Variants in CLEC1A observed in about 807,000 individuals in gnomAD.
CLEC1A encodes C-type lectin domain family 1 member A, also known as C-type lectin-like receptor-1.
A neutral mutation model predicts 28.7 loss-of-function variants in CLEC1A; 34 were observed. The ratio of observed to expected loss-of-function variants is 1.18; its 90% CI spans 0.90 to 1.57. The LOEUF (loss-of-function observed/expected upper bound fraction) is 1.57. CLEC1A is among the 40% of genes most tolerant of loss of function. The pLI, the probability that CLEC1A is intolerant of heterozygous loss-of-function variation, is 0.00. For missense variants in CLEC1A, 385 were observed against 339.5 expected (o/e 1.13, Z -1.05); for synonymous variants, 116 against 121.0 (o/e 0.96, Z 0.27).
chr12:10,072,340 A>C (rs1015877309), intron 5 of CLEC1A, among the ~76,000 whole-genome samples: 1 of 152,192 alleles, frequency 6.6e-6, no homozygotes, highest in Non-Finnish European at 1.5e-5. Flanking sequence ...TTTATAAGCT[A>C]TCCAACCTCA....
At chr12:10,080,938 C>T (rs1045221318) in intron 3 of CLEC1A, among the ~76,000 whole-genome samples, 8 of 152,072 alleles carry the variant, frequency 5.3e-5, no homozygotes, top group African/African-American at 1.9e-4. Flanking sequence ...GAACATTTGC[C>T]GAGGTAAATT....
At chr12:10,081,093 A>C (rs1866358096) in intron 3 of CLEC1A, 144 bp downstream of exon 3, 3 of 623,924 alleles carry the variant, frequency 4.8e-6, no homozygotes, top group Non-Finnish European at 8.2e-6. Flanking sequence ...GATCCCAACA[A>C]CTGATCATGA....
chr12:10,076,413 T>C (rs1235319453), intron 3 of CLEC1A, among the ~76,000 whole-genome samples: 1 of 152,150 alleles, frequency 6.6e-6, no homozygotes, highest in Non-Finnish European at 1.5e-5. Context: ...AATACACAGG[T>C]AGGTGTTATA....
intron 1 of CLEC1A, among the ~76,000 whole-genome samples, chr12:10,090,823 T>TAAA (rs11393834): frequency 6.6e-6 from 1 of 151,794 alleles, no homozygotes; most frequent in African/African-American, 2.4e-5. Flanking sequence ...CTCCTTTTTT[T>TAAA]AAAAAAAATG....
rs1055894880 is a variant in CLEC1A, at chr12:10,075,385, A to T, written c.543+119T>A. ...CAATAGGAATAAGACTCAGGCCCTGATCGAAACAGGTTCGAAAACCTGTGG... is the reference window on the plus strand; with the variant it reads ...CAATAGGAATAAGACTCAGGCCCTGTTCGAAACAGGTTCGAAAACCTGTGG... On this transcript the variant is annotated intron_variant, in intron 4 of 5. Coordinates refer to ENST00000315330, the MANE Select transcript of CLEC1A (RefSeq NM_016511.4). 10 of 1,029,190 alleles carry T rather than the reference A, an allele frequency of 9.7e-6. No homozygotes were observed. The Admixed American group carries it at 2.3e-4, about 24-fold the overall frequency. 63.8% of individuals were successfully genotyped at this position (1,029,190 alleles called of 1,614,324 possible). A position where few individuals can be genotyped will look rare whatever the true frequency, so the allele number is the denominator to read the frequency against.
chr12:10,083,006 G>A (rs1866402760), intron 2 of CLEC1A, among the ~76,000 whole-genome samples: 2 of 152,372 alleles, frequency 1.3e-5, no homozygotes, highest in African/African-American at 4.8e-5. Context: ...GGTATCCACA[G>A]ATGGGAGACC....
intron 2 of CLEC1A, among the ~76,000 whole-genome samples, chr12:10,085,160 C>T (rs1357262842): frequency 6.7e-6 from 1 of 148,728 alleles, no homozygotes; most frequent in Non-Finnish European, 1.5e-5. Context: ...ATAGAATCTC[C>T]TGAAAGCATA....
rs764514003 is a variant in CLEC1A at position 10,075,648 on chromosome 12, C to A, written c.399G>T (p.Arg133Ser). 1.2e-6 allele frequency: 2 copies of A among 1,612,196 alleles called. No homozygotes were observed. Among genetic ancestry groups the A allele is most frequent in the African/African-American group, 1.3e-5 (1 of 74,826 alleles). The stretch of plus-strand genomic sequence containing the variant: ...TCCATTGTTCTGTACAAGGGCTGCA[C>A]CTGTGTGCTTGGAAAAAAGCCAATT... Reference protein sequence around the residue: ...RELYNKAGAHRCSPCTEQWKW... With the variant: ...RELYNKAGAHSCSPCTEQWKW... Residue 133 changes from arginine (R) to serine (S), a missense_variant, in exon 4 of 6, where the codon AGG becomes AGT. Transcript: ENST00000315330.
intron 1 of CLEC1A, among the ~76,000 whole-genome samples, chr12:10,095,273 C>G (rs1459650748): frequency 6.6e-6 from 1 of 152,098 alleles, no homozygotes; most frequent in Non-Finnish European, 1.5e-5. Context: ...AAAAGAGGAA[C>G]TTGAATTTAT....
At chr12:10,077,017 A>T (rs936673075) in intron 3 of CLEC1A, among the ~76,000 whole-genome samples, 1 of 152,174 alleles carries the variant, frequency 6.6e-6, no homozygotes, top group Non-Finnish European at 1.5e-5. Context: ...AGATATGATA[A>T]GTGACCCTCT....
intron 2 of CLEC1A, 87 bp downstream of exon 2, chr12:10,089,037 T>C (rs1866558157): frequency 3.8e-6 from 4 of 1,042,914 alleles, no homozygotes; most frequent in Non-Finnish European, 5.9e-6. Context: ...GGAATTAAAG[T>C]TTAAAAAACA....
intron 1 of CLEC1A, among the ~76,000 whole-genome samples, chr12:10,095,916 C>A (rs1436687770): frequency 6.6e-6 from 1 of 152,146 alleles, no homozygotes; most frequent in East Asian, 1.9e-4. Context: ...TTTCATTCTT[C>A]TTGCTCCTCA....
chr12:10,080,668 T>C (rs1866348768), intron 3 of CLEC1A, among the ~76,000 whole-genome samples: 1 of 152,226 alleles, frequency 6.6e-6, no homozygotes. Flanking sequence ...GGAATACACA[T>C]GCACTCACAC....
Position 10,086,537 on chromosome 12 carries a change from C to A in CLEC1A, c.214+2587G>T, listed in dbSNP as rs548214370. The stretch of plus-strand genomic sequence containing the variant: ...TGTTCCAACTGATGCCACACAAATA[C>A]GAAAGATCACAAAGTCCAGAGGGGA... On this transcript the variant is annotated intron_variant, in intron 2 of 5. Transcript: ENST00000315330. 3.6e-4 allele frequency among the ~76,000 whole-genome samples: 54 copies of A among 151,890 alleles called. 1 individual carries two copies. Among genetic ancestry groups the A allele is most frequent in the Non-Finnish European group, 2.4e-4 (16 of 67,946 alleles).
At chr12:10,076,559 C>T (rs1866255284) in intron 3 of CLEC1A, among the ~76,000 whole-genome samples, 1 of 152,136 alleles carries the variant, frequency 6.6e-6, no homozygotes, top group Non-Finnish European at 1.5e-5. Context: ...AGCTTTTGCA[C>T]TCTCTCAGAC....
At chr12:10,085,635 T>A (rs1049806624) in intron 2 of CLEC1A, among the ~76,000 whole-genome samples, 2 of 150,260 alleles carry the variant, frequency 1.3e-5, no homozygotes, top group Non-Finnish European at 3.0e-5. Context: ...CCTAAATATA[T>A]ATGCACTTAA....
At chr12:10,089,271 C>T in intron 1 of CLEC1A, 49 bp from the exon 2 acceptor site, 1 of 1,471,744 alleles carries the variant, frequency 6.8e-7, no homozygotes, top group Non-Finnish European at 9.5e-7. Flanking sequence ...CTTCCTCTTG[C>T]ATCTAAGTCA....
At chr12:10,095,546 A>T (rs1458495943) in intron 1 of CLEC1A, among the ~76,000 whole-genome samples, 1 of 152,174 alleles carries the variant, frequency 6.6e-6, no homozygotes, top group Non-Finnish European at 1.5e-5. Context: ...TCTTCAAAAA[A>T]AAAGAGAGAA....
chr12:10,075,355 C>T, intron 4 of CLEC1A, 149 bp downstream of exon 4: 4 of 721,412 alleles, frequency 5.5e-6, no homozygotes, highest in Non-Finnish European at 9.0e-6. Context: ...GGGGACCGTT[C>T]AAAGCAATAG....
Sources: allele counts gnomAD v4.1 joint callset (sites outside exome capture counted in the v4.1 genomes callset), GRCh38; gene constraint gnomAD v4.1.1; transcripts MANE v1.5; gene names NCBI Gene and HGNC (gene_info 2026-07-23, HGNC 2026-07-21).